CFAP299: variants seen among roughly 807,000 people sequenced by gnomAD.
The protein encoded by CFAP299 is cilia and flagella associated protein 299, also known as cilia- and flagella-associated protein 299.
Under a neutral mutation model 27.0 loss-of-function variants are expected in CFAP299, and 21 were observed. The observed-to-expected ratio is 0.78, with a 90% CI of 0.55 to 1.12. The LOEUF (loss-of-function observed/expected upper bound fraction) is 1.12, where lower values mean the gene tolerates loss of function less well. Ranked by LOEUF, CFAP299 falls within the 50% of genes most tolerant of loss-of-function variation. The probability of loss-of-function intolerance (pLI) is 0.00; values close to 1 mark genes in which losing one functional copy is unlikely to be tolerated. For synonymous variants in CFAP299, 104 were observed against 98.1 expected, an observed-to-expected ratio of 1.06 and a Z score of -0.36; for missense variants, 310 against 276.6, an observed-to-expected ratio of 1.12 and a Z score of -0.86.
At chr4:80,881,737 T>A (rs1333882316) in intron 4 of CFAP299, among the ~76,000 whole-genome samples, 2 of 152,128 alleles carry the variant, frequency 1.3e-5, no homozygotes, top group African/African-American at 4.8e-5. Context: ...AAGAAAACAA[T>A]TTTTTAGTAA....
At chr4:80,808,680 G>T (rs761588315) in intron 3 of CFAP299, among the ~76,000 whole-genome samples, 6 of 152,058 alleles carry the variant, frequency 3.9e-5, no homozygotes, top group Non-Finnish European at 7.4e-5. Context: ...GCTATTCCAT[G>T]TGCTGCACAT....
intron 4 of CFAP299, among the ~76,000 whole-genome samples, chr4:80,932,885 A>C (rs1736691090): frequency 6.6e-6 from 1 of 152,172 alleles, no homozygotes; most frequent in Non-Finnish European, 1.5e-5. Context: ...TGGAAAATAA[A>C]ATTATAGAAT....
intron 1 of CFAP299, among the ~76,000 whole-genome samples, chr4:80,349,057 T>C (rs1384354773): frequency 6.6e-6 from 1 of 152,158 alleles, no homozygotes; most frequent in Non-Finnish European, 1.5e-5. Flanking sequence ...CTAGAATCCA[T>C]GAGGACAGAA....
At chr4:80,900,057 G>A (rs762170343) in intron 4 of CFAP299, among the ~76,000 whole-genome samples, 22 of 151,068 alleles carry the variant, frequency 1.5e-4, no homozygotes, top group African/African-American at 4.6e-4. Context: ...TGGAGGTGGA[G>A]GAAAAATAGC....
chr4:80,891,668 T>A (rs1252611543), intron 4 of CFAP299, among the ~76,000 whole-genome samples: 1 of 111,580 alleles, frequency 9.0e-6, no homozygotes, highest in Non-Finnish European at 1.8e-5. Flanking sequence ...TAATGCTAGA[T>A]GACACGTTAG....
chr4:80,436,925 A>G (rs1002625800), intron 2 of CFAP299, among the ~76,000 whole-genome samples: 8 of 152,156 alleles, frequency 5.3e-5, no homozygotes, highest in Admixed American at 3.9e-4. Context: ...TATTAAAATC[A>G]AAGTGGCATA....
chr4:80,682,575 ATT>A (rs34105611), intron 3 of CFAP299, among the ~76,000 whole-genome samples: 3,413 of 148,570 alleles, frequency 0.023, 72 homozygotes, highest in African/African-American at 0.055. Context: ...TGCATACCAC[ATT>A]TTTTTTTTTT....
At chr4:80,907,934 A>G (rs181871239) in intron 4 of CFAP299, among the ~76,000 whole-genome samples, 48 of 152,322 alleles carry the variant, frequency 3.2e-4, no homozygotes, top group African/African-American at 1.2e-3. Context: ...AAGGGCCTCC[A>G]TCACATTCCC....
rs35884694 is a variant in CFAP299 at position 80,569,952 on chromosome 4, T to TA, written c.243-13136dup. 3.2e-4 allele frequency among the ~76,000 whole-genome samples: 48 copies of TA among 152,118 alleles called. No homozygotes were observed. In the East Asian group the frequency reaches 8.9e-3, roughly 28 times the overall value. On this transcript the variant is annotated intron_variant, in intron 2 of 5. Transcript: ENST00000358105. ...AAAGTGGAAGTTGACAAATATATTT[T>TA]AAAAATTTGGTAGTGATACAAAGAA...
intron 3 of CFAP299, among the ~76,000 whole-genome samples, chr4:80,702,527 T>C (rs1360635088): frequency 6.6e-6 from 1 of 151,924 alleles, no homozygotes; most frequent in East Asian, 1.9e-4. Context: ...TAGATCATTC[T>C]AGAACACTGG....
chr4:80,555,912 C>T (rs1189215413), intron 2 of CFAP299, among the ~76,000 whole-genome samples: 2 of 151,842 alleles, frequency 1.3e-5, no homozygotes, highest in Non-Finnish European at 2.9e-5. Context: ...ACTAGGCAGA[C>T]AGAAATATGA....
intron 2 of CFAP299, among the ~76,000 whole-genome samples, chr4:80,482,411 T>C (rs1730610055): frequency 6.6e-6 from 1 of 152,106 alleles, no homozygotes; most frequent in Admixed American, 6.6e-5. Flanking sequence ...CTAAGAAAGC[T>C]CTTAAGTTAT....
chr4:80,776,577 G>C (rs1483024374), intron 3 of CFAP299, among the ~76,000 whole-genome samples: 1 of 151,822 alleles, frequency 6.6e-6, no homozygotes, highest in Non-Finnish European at 1.5e-5. Flanking sequence ...CACACACCCG[G>C]GCCTGTCGGG....
chr4:80,848,061 A>G (rs554802742), intron 3 of CFAP299, among the ~76,000 whole-genome samples: 1 of 152,002 alleles, frequency 6.6e-6, no homozygotes, highest in South Asian at 2.1e-4. Context: ...AAATACAAAA[A>G]TTAGCTGAGT....
At chr4:80,405,125 C>A (rs1288985413) in intron 2 of CFAP299, among the ~76,000 whole-genome samples, 2 of 152,102 alleles carry the variant, frequency 1.3e-5, no homozygotes, top group Non-Finnish European at 2.9e-5. Flanking sequence ...TCCATACCTG[C>A]CCAATATGGA....
chr4:80,937,007 T>C (rs1736921702), intron 4 of CFAP299, among the ~76,000 whole-genome samples: 1 of 152,020 alleles, frequency 6.6e-6, no homozygotes, highest in Non-Finnish European at 1.5e-5. Flanking sequence ...TTTTATTCAT[T>C]TTCTGGCTGG....
At chr4:80,488,264 C>T (rs1730927300) in intron 2 of CFAP299, among the ~76,000 whole-genome samples, 1 of 152,002 alleles carries the variant, frequency 6.6e-6, no homozygotes, top group South Asian at 2.1e-4. Flanking sequence ...TGGAGGAATC[C>T]CCAGAGGTTT....
chr4:80,738,660 GTC>G (rs386419498), intron 3 of CFAP299, among the ~76,000 whole-genome samples: 2 of 130,768 alleles, frequency 1.5e-5, no homozygotes, highest in African/African-American at 3.5e-5. Flanking sequence ...AAATCATTGG[GTC>G]TTTTTTTTTT....
intron 2 of CFAP299, among the ~76,000 whole-genome samples, chr4:80,512,519 G>A (rs1017799943): frequency 2.0e-5 from 3 of 152,010 alleles, no homozygotes; most frequent in Non-Finnish European, 4.4e-5. Context: ...GGCTTTTGGC[G>A]AATAAGCTAT....
Sources: allele counts gnomAD v4.1 joint callset (sites outside exome capture counted in the v4.1 genomes callset), GRCh38; gene constraint gnomAD v4.1.1; transcripts MANE v1.5; gene names NCBI Gene and HGNC (gene_info 2026-07-23, HGNC 2026-07-21).